The following EXOC4 variants were observed in gnomAD, a reference collection of about 807,000 sequenced individuals.
EXOC4 encodes the protein exocyst complex component 4.
A neutral mutation model predicts 107.2 loss-of-function variants in EXOC4; 71 were observed. The ratio of observed to expected loss-of-function variants is 0.66; its 90% CI spans 0.55 to 0.81. The LOEUF is 0.81. EXOC4 is among the 30% of genes least tolerant of loss of function. EXOC4 has a pLI of 0.00. For synonymous variants in EXOC4, 456 were observed against 441.2 expected, an observed-to-expected ratio of 1.03 and a Z score of -0.42; for missense variants, 1,108 against 1,189.6, an observed-to-expected ratio of 0.93 and a Z score of 1.01.
At chr7:133,646,392 A>G (rs1018516537) in intron 10 of EXOC4, among the ~76,000 whole-genome samples, 14 of 152,328 alleles carry the variant, frequency 9.2e-5, no homozygotes, top group African/African-American at 3.1e-4. Context: ...ACTACCCTAC[A>G]AGAGGCTAGA....
chr7:133,305,901 G>A lies in EXOC4; in HGVS notation c.496G>A (p.Gly166Ser). Residue 166 changes from glycine to serine, a missense_variant, in exon 4 of 18, where the codon GGC becomes AGC. By Grantham distance (56) the Gly-to-Ser change is moderately conservative (BLOSUM62 0). Transcript: ENST00000253861. ...GGTGTCAGCAGTTGAGTCTTTGGAG[G>A]GCCCCCTGCTCCAGGTGGAAGGACT... ...MLVSAVESLE[G>S]PLLQVEGLSD... The A allele has an allele frequency of 1.2e-6, 2 of 1,607,922 alleles. No homozygotes were observed. Among genetic ancestry groups the A allele is most frequent in the Non-Finnish European group, 1.7e-6 (2 of 1,177,394 alleles).
intron 7 of EXOC4, among the ~76,000 whole-genome samples, chr7:133,472,041 G>A (rs1161064724): frequency 6.6e-6 from 1 of 152,132 alleles, no homozygotes; most frequent in Non-Finnish European, 1.5e-5. Flanking sequence ...TCCAGATTAG[G>A]CCTTCTAGAA....
At chr7:133,869,228 A>G (rs1347840044) in intron 11 of EXOC4, among the ~76,000 whole-genome samples, 1 of 151,950 alleles carries the variant, frequency 6.6e-6, no homozygotes, top group Non-Finnish European at 1.5e-5. Context: ...AACTAGATCA[A>G]CCAGATTGCA....
At chr7:133,710,822 A>G (rs930557541) in intron 10 of EXOC4, among the ~76,000 whole-genome samples, 1 of 147,514 alleles carries the variant, frequency 6.8e-6, no homozygotes, top group African/African-American at 2.5e-5. Flanking sequence ...TTGTTTTGAC[A>G]TGATACTTTT....
chr7:133,519,252 A>G (rs796190305), intron 9 of EXOC4, among the ~76,000 whole-genome samples: 6 of 152,068 alleles, frequency 3.9e-5, no homozygotes, highest in African/African-American at 1.4e-4. Flanking sequence ...TTGTCTCTAT[A>G]AAAAATACAA....
chr7:133,537,682 A>AT (rs951359840), intron 9 of EXOC4, among the ~76,000 whole-genome samples: 2 of 152,202 alleles, frequency 1.3e-5, no homozygotes, highest in Admixed American at 6.5e-5. Flanking sequence ...GCCATATTGG[A>AT]TTTTTTTCCC....
intron 7 of EXOC4, among the ~76,000 whole-genome samples, chr7:133,460,562 A>G (rs185140682): frequency 1.6e-4 from 25 of 152,340 alleles, no homozygotes; most frequent in African/African-American, 6.0e-4. Context: ...TAATAATCAA[A>G]TACCTATTGT....
At chr7:133,616,298 T>C (rs1802193541) in intron 9 of EXOC4, among the ~76,000 whole-genome samples, 1 of 152,136 alleles carries the variant, frequency 6.6e-6, no homozygotes, top group Non-Finnish European at 1.5e-5. Context: ...TTATACATCA[T>C]AATGTGAACT....
intron 12 of EXOC4, among the ~76,000 whole-genome samples, chr7:133,899,386 A>G (rs1799398429): frequency 6.6e-6 from 1 of 152,220 alleles, no homozygotes. Flanking sequence ...CCTGCCTCTC[A>G]AGATGTCAAG....
intron 10 of EXOC4, among the ~76,000 whole-genome samples, chr7:133,710,431 C>T (rs112573015): frequency 1.6e-3 from 243 of 151,860 alleles, no homozygotes; most frequent in African/African-American, 5.7e-3. Context: ...GAGGCCGAGG[C>T]GGGCGGATCA....
intron 6 of EXOC4, among the ~76,000 whole-genome samples, chr7:133,359,466 A>T (rs1796092740): frequency 6.6e-6 from 1 of 152,192 alleles, no homozygotes; most frequent in Non-Finnish European, 1.5e-5. Flanking sequence ...CATTCAAGGA[A>T]TTTTATGGCT....
chr7:133,605,013 C>CCACA (rs935185059), intron 9 of EXOC4, among the ~76,000 whole-genome samples: 7 of 152,064 alleles, frequency 4.6e-5, no homozygotes, highest in African/African-American at 1.7e-4. Flanking sequence ...GCATGAGCCA[C>CCACA]CACACCCAGC....
intron 14 of EXOC4, among the ~76,000 whole-genome samples, chr7:133,947,113 C>T (rs955762405): frequency 6.6e-6 from 1 of 152,190 alleles, no homozygotes; most frequent in Admixed American, 6.5e-5. Context: ...GGTCTTCTCA[C>T]CTGTTAAATA....
intron 10 of EXOC4, among the ~76,000 whole-genome samples, chr7:133,814,928 T>C (rs1797328902): frequency 6.6e-6 from 1 of 152,148 alleles, no homozygotes; most frequent in Admixed American, 6.6e-5. Flanking sequence ...ATCTTCCCAG[T>C]TGGTTATTCA....
At chr7:133,907,637 G>C (rs1005459842) in intron 12 of EXOC4, among the ~76,000 whole-genome samples, 1 of 152,148 alleles carries the variant, frequency 6.6e-6, no homozygotes. Context: ...TCAGGATTTC[G>C]AGACCAGCCT....
At chr7:133,437,460 G>A (rs188714976) in intron 7 of EXOC4, among the ~76,000 whole-genome samples, 7 of 152,218 alleles carry the variant, frequency 4.6e-5, no homozygotes, top group Admixed American at 3.3e-4. Flanking sequence ...CTAAACTTCA[G>A]ACTAATGCTG....
chr7:133,565,562 C>T (rs1463345900), intron 9 of EXOC4, among the ~76,000 whole-genome samples: 1 of 152,056 alleles, frequency 6.6e-6, no homozygotes, highest in African/African-American at 2.4e-5. Flanking sequence ...GTAGAGTTGC[C>T]AGATAAAATA....
intron 7 of EXOC4, among the ~76,000 whole-genome samples, chr7:133,400,580 A>G (rs1797067752): frequency 1.3e-5 from 2 of 152,172 alleles, no homozygotes; most frequent in Non-Finnish European, 2.9e-5. Context: ...ACTGTGTCGC[A>G]TCACTGAATC....
At chr7:133,883,807 C>G (rs1029356599) in intron 11 of EXOC4, among the ~76,000 whole-genome samples, 9 of 152,180 alleles carry the variant, frequency 5.9e-5, no homozygotes, top group Non-Finnish European at 2.9e-5. Context: ...GTGGCAGTTC[C>G]TCAGGCACCA....
Sources: allele counts gnomAD v4.1 joint callset (sites outside exome capture counted in the v4.1 genomes callset), GRCh38; gene constraint gnomAD v4.1.1; transcripts MANE v1.5; gene names NCBI Gene and HGNC (gene_info 2026-07-23, HGNC 2026-07-21).